HMCN2: variants seen among roughly 807,000 people sequenced by gnomAD.
HMCN2 encodes the protein hemicentin-2.
Under a neutral mutation model 377.5 loss-of-function variants are expected in HMCN2, and 325 were observed. The observed-to-expected ratio is 0.86, with a 90% CI of 0.79 to 0.94. The LOEUF (loss-of-function observed/expected upper bound fraction) is 0.94. Ranked by LOEUF, HMCN2 falls within the 40% of genes least tolerant of loss-of-function variation. The pLI, the probability that HMCN2 is intolerant of heterozygous loss-of-function variation, is 0.00. For missense variants in HMCN2, 4,543 were observed against 4,725.3 expected (o/e 0.96, Z 1.13); for synonymous variants, 2,007 against 2,046.8 (o/e 0.98, Z 0.53).
intron 25 of HMCN2, among the ~76,000 whole-genome samples, chr9:130,346,287 T>C (rs938959341): frequency 7.2e-5 from 11 of 152,176 alleles, no homozygotes; most frequent in Admixed American, 5.2e-4. Context: ...GGCTGTTAGC[T>C]TCAGCTCACA....
intron 81 of HMCN2, 101 bp from the exon 82 acceptor site, chr9:130,405,854 C>A: frequency 1.1e-6 from 1 of 909,476 alleles, no homozygotes; most frequent in Non-Finnish European, 1.5e-6. Flanking sequence ...CACTTCCCCT[C>A]TCTGGGCTGG....
chr9:130,318,029 G>T (rs1034013773), intron 15 of HMCN2, among the ~76,000 whole-genome samples: 3 of 152,162 alleles, frequency 2.0e-5, no homozygotes, highest in Admixed American at 2.0e-4. Context: ...GGGGGCCAGG[G>T]CTCTGCAGGA....
chr9:130,310,162 A>G (rs988661270), intron 15 of HMCN2, 101 bp downstream of exon 15: 7 of 351,650 alleles, frequency 2.0e-5, no homozygotes, highest in Middle Eastern at 8.7e-4. Context: ...ACAAGTGGCC[A>G]GTGTAGATGG....
chr9:130,351,571 G>A lies in HMCN2; in HGVS notation c.4579G>A (p.Val1527Ile). ...GQQARDFQLR[V>I]HAPPTIWGSN... ...GCAGGCCAGGGACTTCCAGCTCCGA[G>A]TTCATGGTGAGCCCCCACGCCTTCT... Residue 1527 changes from valine (V) to isoleucine (I), a missense_variant, in exon 30 of 98, where the codon GTT becomes ATT. Val to Ile is a conservative substitution (Grantham distance 29, BLOSUM62 3). This residue lies in a region of HMCN2 where 1,032 missense variants were observed against 1,285.1 expected (regional missense o/e 0.80). Coordinates refer to ENST00000683500, the MANE Select transcript of HMCN2 (RefSeq NM_001291815.2). This position sits in a 1 kb window ranked among gnomAD's most constrained non-coding sequence, Gnocchi z 5.4. 7.7e-7 allele frequency: 1 copy of A among 1,302,758 alleles called. No individual in the cohort carries two copies. The highest frequency in any genetic ancestry group is 1.0e-6 in the Non-Finnish European group (1 of 987,934). 80.7% of individuals were successfully genotyped at this position (1,302,758 alleles called of 1,614,324 possible). A position where few individuals can be genotyped will look rare whatever the true frequency, so the allele number is the denominator to read the frequency against.
rs10988689 is a variant in HMCN2, at chr9:130,308,269, G to A, written c.2200+703G>A. ...ACTGTGCCTGGCCATATGTGCAAAGGTTTTAGAACAAGCTTGGCACATGTG... is the reference window on the plus strand; with the variant it reads ...ACTGTGCCTGGCCATATGTGCAAAGATTTTAGAACAAGCTTGGCACATGTG... On this transcript the variant is annotated intron_variant, in intron 14 of 97. Coordinates refer to ENST00000683500, the MANE Select transcript of HMCN2 (RefSeq NM_001291815.2). The surrounding 1 kb of genome is among the most constrained non-coding windows in gnomAD (Gnocchi z 4.1). Among the ~76,000 whole-genome samples, 3,892 of 152,284 alleles carry A rather than the reference G, an allele frequency of 0.026. 61 individuals carry two copies. Among genetic ancestry groups the A allele is most frequent in the Non-Finnish European group, 0.034 (2,294 of 68,028 alleles).
chr9:130,377,517 C>T (rs7041063), intron 52 of HMCN2, 132 bp from the exon 53 acceptor site: 221,294 of 336,562 alleles, frequency 0.66, 75,598 homozygotes, highest in East Asian at 0.85. Flanking sequence ...GTTTTATAAA[C>T]GTCTCAGGGT....
At chr9:130,271,466 G>A (rs1834400903) in intron 1 of HMCN2, among the ~76,000 whole-genome samples, 1 of 149,142 alleles carries the variant, frequency 6.7e-6, no homozygotes, top group African/African-American at 2.4e-5. Flanking sequence ...TTTATACTTT[G>A]TGTTATGATC....
intron 31 of HMCN2, 97 bp from the exon 32 acceptor site, chr9:130,354,666 G>A (rs1271552824): frequency 4.9e-6 from 5 of 1,028,122 alleles, no homozygotes; most frequent in Admixed American, 3.3e-5. Context: ...CACATGGAGT[G>A]GGGTCGGTGA....
In HMCN2 at chr9:130,277,823, TCAC is replaced by T. The variant is rs1564739541; in HGVS notation, c.260-6771_260-6769del. Among the ~76,000 whole-genome samples the T allele has an allele frequency of 2.3e-4, 7 of 30,420 alleles. 2 individuals carry two copies. The highest frequency in any genetic ancestry group is 7.5e-4 in the African/African-American group (5 of 6,632). 20.0% of individuals were successfully genotyped at this position (30,420 alleles called of 152,430 possible). A position where few individuals can be genotyped will look rare whatever the true frequency, so the allele number is the denominator to read the frequency against. ...ATCACCACCACCACCATCATCATCATCACCACCACCATCATCATCATCACCACC... is the reference window on the plus strand; with the variant it reads ...ATCACCACCACCACCATCATCATCATCACCACCATCATCATCATCACCACC... On this transcript the variant is annotated intron_variant, in intron 1 of 97. Coordinates refer to ENST00000683500, the MANE Select transcript of HMCN2 (RefSeq NM_001291815.2).
At chr9:130,402,676 G>A (rs540937674) in intron 77 of HMCN2, 113 bp from the exon 78 acceptor site, 9 of 531,208 alleles carry the variant, frequency 1.7e-5, no homozygotes, top group South Asian at 1.6e-4. Flanking sequence ...TTGTAAATGG[G>A]CAAAGGAGGC....
chr9:130,355,993 G>A (rs1840005586), intron 33 of HMCN2, 95 bp from the exon 34 acceptor site: 1 of 943,008 alleles, frequency 1.1e-6, no homozygotes, highest in South Asian at 1.6e-5. Context: ...GCTGGTGAGA[G>A]CAGGTGGGAG....
intron 1 of HMCN2, among the ~76,000 whole-genome samples, chr9:130,281,325 T>C (rs1835107433): frequency 6.6e-6 from 1 of 151,836 alleles, no homozygotes; most frequent in Non-Finnish European, 1.5e-5. Context: ...TCTGTAAAAA[T>C]GTGGGTAAGA....
At chr9:130,385,832 G>T in intron 60 of HMCN2, 70 bp downstream of exon 60, 2 of 1,122,980 alleles carry the variant, frequency 1.8e-6, no homozygotes, top group Non-Finnish European at 2.4e-6. Context: ...CTGGCGAGCT[G>T]CGGGGAGGAA....
intron 39 of HMCN2, among the ~76,000 whole-genome samples, chr9:130,362,390 G>A (rs1401129507): frequency 6.6e-6 from 1 of 152,130 alleles, no homozygotes; most frequent in Non-Finnish European, 1.5e-5. Flanking sequence ...ATGTTCTTGT[G>A]GCCACAGTAA....
chr9:130,316,243 G>A (rs1295860189), intron 15 of HMCN2, among the ~76,000 whole-genome samples: 1 of 152,172 alleles, frequency 6.6e-6, no homozygotes, highest in Non-Finnish European at 1.5e-5. Context: ...TGTACCCTGC[G>A]GTGGTGGGTG....
At chr9:130,326,513 G>A (rs1838142337) in intron 21 of HMCN2, among the ~76,000 whole-genome samples, 1 of 152,086 alleles carries the variant, frequency 6.6e-6, no homozygotes, top group Non-Finnish European at 1.5e-5. Context: ...AATACGTCTG[G>A]GAGGAGTGAG....
rs78893443 is a variant in HMCN2 at position 130,388,922 on chromosome 9, T to G, written c.9523+382T>G. ...GCTCCTTGGTGGTGACTCAGCTCGG[T>G]CCTAGCTGGGCCGTTGGTCAACCCC... On this transcript the variant is annotated intron_variant, in intron 62 of 97. Transcript: ENST00000683500. Among the ~76,000 whole-genome samples the G allele has an allele frequency of 8.9e-3, 1,361 of 152,294 alleles. 24 individuals are homozygous for G. The highest frequency in any genetic ancestry group is 0.031 in the African/African-American group (1,278 of 41,560).
At chr9:130,274,471 T>C (rs1389885545) in intron 1 of HMCN2, among the ~76,000 whole-genome samples, 1 of 152,248 alleles carries the variant, frequency 6.6e-6, no homozygotes, top group East Asian at 1.9e-4. Context: ...TTAGAGGTTT[T>C]GCCTTTTTCC....
chr9:130,272,372 C>G (rs1834450148), intron 1 of HMCN2, among the ~76,000 whole-genome samples: 1 of 148,658 alleles, frequency 6.7e-6, no homozygotes, highest in Non-Finnish European at 1.5e-5. Context: ...TTCTTAGTAG[C>G]TGGGATTACA....
Sources: allele counts gnomAD v4.1 joint callset (sites outside exome capture counted in the v4.1 genomes callset), GRCh38; gene constraint gnomAD v4.1.1; regional missense constraint gnomAD v4.1.1; non-coding constraint Gnocchi (gnomAD v3.1); transcripts MANE v1.5; gene names NCBI Gene and HGNC (gene_info 2026-07-23, HGNC 2026-07-21).